Variants in PDE4D observed in about 807,000 individuals in gnomAD.
PDE4D encodes phosphodiesterase 4D.
A neutral mutation model predicts 87.4 loss-of-function variants in PDE4D; 24 were observed. The ratio of observed to expected loss-of-function variants is 0.27; its 90% CI spans 0.20 to 0.39. The LOEUF is 0.39. Among genes scored for constraint, PDE4D ranks in the 10% least tolerant of loss-of-function variants. The pLI is 1.00. For synonymous variants in PDE4D, 384 were observed against 383.2 expected (o/e 1.00, Z -0.02); for missense variants, 714 against 1,041.0 (o/e 0.69, Z 4.32).
chr5:59,987,244 C>G (rs2152829797), intron 3 of PDE4D: 1 of 152,258 alleles, frequency 6.6e-6, no homozygotes, highest in South Asian at 2.1e-4. Flanking sequence ...AGGGGAACAG[C>G]ATTTTTCAAA....
chr5:60,355,618 C>A (rs1025068387), intron 1 of PDE4D, among the ~76,000 whole-genome samples: 1 of 151,818 alleles, frequency 6.6e-6, no homozygotes, highest in South Asian at 2.1e-4. Context: ...CTTTTGACTC[C>A]CAAAAAACTT....
intron 1 of PDE4D, among the ~76,000 whole-genome samples, chr5:59,597,448 C>T (rs1826858966): frequency 6.6e-6 from 1 of 152,062 alleles, no homozygotes; most frequent in Non-Finnish European, 1.5e-5. Context: ...ACTAGCTTCT[C>T]ATTTTCTCGA....
chr5:59,515,215 C>T (rs1028312634), intron 1 of PDE4D, among the ~76,000 whole-genome samples: 2 of 152,182 alleles, frequency 1.3e-5, no homozygotes, highest in African/African-American at 2.4e-5. Context: ...TGGAAGCATG[C>T]TCTTTAATTG....
intron 1 of PDE4D, among the ~76,000 whole-genome samples, chr5:60,224,014 G>A (rs938263124): frequency 6.6e-6 from 1 of 152,058 alleles, no homozygotes; most frequent in Non-Finnish European, 1.5e-5. Flanking sequence ...AGGCTGCAGT[G>A]TTGTACAACT....
chr5:59,999,930 G>C (rs1175500431), intron 2 of PDE4D, among the ~76,000 whole-genome samples: 1 of 151,842 alleles, frequency 6.6e-6, no homozygotes. Flanking sequence ...TACAGTAATT[G>C]AGTTGAAAAG....
At chr5:60,023,380 T>C (rs1766282340) in intron 2 of PDE4D, among the ~76,000 whole-genome samples, 1 of 152,196 alleles carries the variant, frequency 6.6e-6, no homozygotes, top group Non-Finnish European at 1.5e-5. Flanking sequence ...ATACCTACCA[T>C]TGAACTTGCT....
At chr5:60,461,210 A>G (rs1746911395) in intron 1 of PDE4D, among the ~76,000 whole-genome samples, 1 of 152,226 alleles carries the variant, frequency 6.6e-6, no homozygotes, top group East Asian at 1.9e-4. Context: ...GATGGGTGAC[A>G]GAAAGAGGAG....
chr5:59,247,753 C>G (rs927970086), intron 1 of PDE4D, among the ~76,000 whole-genome samples: 1 of 152,006 alleles, frequency 6.6e-6, no homozygotes, highest in Non-Finnish European at 1.5e-5. Flanking sequence ...CCTCCTTGAT[C>G]TTTACAGATA....
chr5:60,361,959 T>C (rs776920890), intron 1 of PDE4D, among the ~76,000 whole-genome samples: 6 of 152,196 alleles, frequency 3.9e-5, no homozygotes, highest in Admixed American at 3.9e-4. Context: ...AGACTCACAG[T>C]TACTGATTTT....
chr5:59,292,698 A>C (rs1332751787), intron 1 of PDE4D, among the ~76,000 whole-genome samples: 2 of 152,178 alleles, frequency 1.3e-5, no homozygotes, highest in Non-Finnish European at 2.9e-5. Context: ...ATTAAATGTT[A>C]GTCCTCATTT....
intron 1 of PDE4D, among the ~76,000 whole-genome samples, chr5:59,628,210 C>T (rs1479616604): frequency 6.6e-6 from 1 of 152,140 alleles, no homozygotes; most frequent in Non-Finnish European, 1.5e-5. Context: ...ACCCAATACA[C>T]CTGGTACCAT....
At chr5:58,995,175 T>A (rs1748924870) in intron 6 of PDE4D, among the ~76,000 whole-genome samples, 1 of 152,132 alleles carries the variant, frequency 6.6e-6, no homozygotes, top group African/African-American at 2.4e-5. Flanking sequence ...TATGTTTTTA[T>A]AACTCCTTTC....
intron 1 of PDE4D, among the ~76,000 whole-genome samples, chr5:59,859,936 G>C (rs1266608420): frequency 6.6e-6 from 1 of 152,218 alleles, no homozygotes; most frequent in African/African-American, 2.4e-5. Context: ...TGCAGGGATT[G>C]TAGTTGGAAG....
intron 1 of PDE4D, among the ~76,000 whole-genome samples, chr5:59,438,227 T>C (rs1797071839): frequency 6.6e-6 from 1 of 152,196 alleles, no homozygotes; most frequent in South Asian, 2.1e-4. Flanking sequence ...CCAAATCATA[T>C]CAGTAATTCT....
intron 2 of PDE4D, among the ~76,000 whole-genome samples, chr5:60,153,803 T>C (rs994271951): frequency 2.6e-5 from 4 of 151,992 alleles, no homozygotes; most frequent in African/African-American, 9.7e-5. Flanking sequence ...TGATAAGAAA[T>C]TAAAATAGTT....
chr5:59,194,160 G>C (rs974338460), intron 2 of PDE4D, among the ~76,000 whole-genome samples: 2 of 152,326 alleles, frequency 1.3e-5, no homozygotes, highest in East Asian at 3.9e-4. Flanking sequence ...TGGGAGCAAG[G>C]TGTCAGCATG....
At chr5:60,052,540 A>T (rs986235673) in intron 2 of PDE4D, among the ~76,000 whole-genome samples, 2 of 152,200 alleles carry the variant, frequency 1.3e-5, no homozygotes, top group Non-Finnish European at 2.9e-5. Context: ...AACATATCTC[A>T]AAATAGTAAG....
chr5:60,239,900 T>C lies in PDE4D; in HGVS notation c.-89-54213A>G, dbSNP rs148395228. On this transcript the variant is annotated intron_variant, in intron 1 of 16. Transcript: ENST00000502484. The stretch of plus-strand genomic sequence containing the variant: ...TAATAACAATTAGGTTTCTCTCTTT[T>C]CTATCTACCTTTTATTTATTTCTTT... Among the ~76,000 whole-genome samples, 14 of 152,238 alleles carry C rather than the reference T, an allele frequency of 9.2e-5. No homozygotes were observed. The East Asian group carries it at 2.5e-3, about 27-fold the overall frequency.
intron 2 of PDE4D, among the ~76,000 whole-genome samples, chr5:60,103,585 T>C (rs1457321400): frequency 1.3e-5 from 2 of 152,182 alleles, no homozygotes; most frequent in Non-Finnish European, 2.9e-5. Flanking sequence ...AGTGACCTGT[T>C]GGTCCTCCAG....
Sources: allele counts gnomAD v4.1 joint callset (sites outside exome capture counted in the v4.1 genomes callset), GRCh38; gene constraint gnomAD v4.1.1; transcripts MANE v1.5; gene names NCBI Gene and HGNC (gene_info 2026-07-23, HGNC 2026-07-21).